Variants in EYS observed in about 807,000 individuals in gnomAD.
EYS encodes protein eyes shut homolog.
Under a neutral mutation model 282.1 loss-of-function variants are expected in EYS, and 250 were observed. The ratio of observed to expected loss-of-function variants is 0.89; its 90% CI spans 0.80 to 0.98. The LOEUF is 0.98. Among genes scored for constraint, EYS ranks in the 50% least tolerant of loss-of-function variants. The pLI, the probability that EYS is intolerant of heterozygous loss-of-function variation, is 0.00. For missense variants in EYS, 4,016 were observed against 3,709.0 expected (o/e 1.08, Z -2.15); for synonymous variants, 1,355 against 1,282.9 (o/e 1.06, Z -1.20).
chr6:65,590,655 C>A, intron 2 of EYS, among the ~76,000 whole-genome samples: 1 of 151,984 alleles, frequency 6.6e-6, no homozygotes. Flanking sequence ...TAGGCCTCTG[C>A]TAGCAACTAT....
At chr6:64,526,937 C>T (rs1438671690) in intron 26 of EYS, among the ~76,000 whole-genome samples, 3 of 151,608 alleles carry the variant, frequency 2.0e-5, no homozygotes, top group Non-Finnish European at 3.0e-5. Flanking sequence ...CTAAGTGATC[C>T]AACAGGTTAT....
intron 14 of EYS, among the ~76,000 whole-genome samples, chr6:64,950,821 AT>A (rs1562272742): frequency 1.7e-5 from 2 of 116,454 alleles, no homozygotes; most frequent in East Asian, 2.6e-4. Context: ...ATATATATAT[AT>A]ATATATATAT....
intron 12 of EYS, among the ~76,000 whole-genome samples, chr6:65,168,340 G>T (rs368101325): frequency 6.6e-6 from 1 of 151,162 alleles, no homozygotes; most frequent in African/African-American, 2.4e-5. Flanking sequence ...TCGATTTAGG[G>T]CTGCCATAAC....
intron 22 of EYS, among the ~76,000 whole-genome samples, chr6:64,731,253 T>C (rs1047022744): frequency 2.0e-5 from 3 of 151,720 alleles, no homozygotes; most frequent in African/African-American, 7.3e-5. Flanking sequence ...CAAAAGCAAT[T>C]GCAACAAAAG....
At chr6:64,630,513 A>T (rs903097273) in intron 22 of EYS, among the ~76,000 whole-genome samples, 1 of 152,210 alleles carries the variant, frequency 6.6e-6, no homozygotes, top group Non-Finnish European at 1.5e-5. Flanking sequence ...ATATATAATC[A>T]TATTGATTAA....
intron 8 of EYS, among the ~76,000 whole-genome samples, chr6:65,366,398 C>T (rs1481362820): frequency 1.3e-5 from 2 of 151,752 alleles, no homozygotes; most frequent in Non-Finnish European, 2.9e-5. Flanking sequence ...TCCTGATCTA[C>T]ACTCAATCCA....
At chr6:64,372,521 G>A (rs963144446) in intron 29 of EYS, among the ~76,000 whole-genome samples, 2 of 151,922 alleles carry the variant, frequency 1.3e-5, no homozygotes, top group Non-Finnish European at 2.9e-5. Context: ...GTGTCTTGGG[G>A]GTGGTCTTCT....
intron 31 of EYS, among the ~76,000 whole-genome samples, chr6:64,223,065 G>T (rs1280178425): frequency 1.3e-5 from 2 of 151,544 alleles, no homozygotes; most frequent in Admixed American, 1.3e-4. Flanking sequence ...TTTAAGTTTT[G>T]GCTTAAATGG....
intron 36 of EYS, chr6:63,857,675 T>G (rs1003448921): frequency 6.3e-5 from 28 of 447,364 alleles, no homozygotes; most frequent in African/African-American, 5.6e-4. Flanking sequence ...CAAGCACTAC[T>G]TGTTTGCCAA....
intron 2 of EYS, among the ~76,000 whole-genome samples, chr6:65,576,416 A>G (rs1346135748): frequency 6.6e-6 from 1 of 151,934 alleles, no homozygotes; most frequent in East Asian, 1.9e-4. Flanking sequence ...TTAAATATGG[A>G]AAGAATGTAC....
intron 24 of EYS, among the ~76,000 whole-genome samples, chr6:64,610,995 T>C (rs556903903): frequency 3.7e-4 from 56 of 152,202 alleles, no homozygotes; most frequent in African/African-American, 9.6e-4. Context: ...ATAGCACTCA[T>C]TGCTGCCCAT....
intron 5 of EYS, among the ~76,000 whole-genome samples, chr6:65,481,981 A>G (rs1765623741): frequency 1.3e-5 from 2 of 152,174 alleles, no homozygotes; most frequent in Admixed American, 6.5e-5. Context: ...GATTCAGAGG[A>G]AGACTCAGTT....
chr6:65,434,716 C>A (rs1296933402), intron 5 of EYS, among the ~76,000 whole-genome samples: 1 of 145,424 alleles, frequency 6.9e-6, no homozygotes, highest in East Asian at 1.9e-4. Flanking sequence ...TCTCATCATA[C>A]TTCTTCTCCT....
At chr6:64,020,523 G>C (rs1769138939) in intron 33 of EYS, among the ~76,000 whole-genome samples, 1 of 152,054 alleles carries the variant, frequency 6.6e-6, no homozygotes, top group African/African-American at 2.4e-5. Context: ...TGATACCAAG[G>C]GCTTCATGGG....
intron 26 of EYS, among the ~76,000 whole-genome samples, chr6:64,455,121 A>T (rs1775510331): frequency 6.6e-6 from 1 of 152,070 alleles, no homozygotes; most frequent in Non-Finnish European, 1.5e-5. Flanking sequence ...TATGTTACCC[A>T]GGCTGATGTT....
At chr6:63,826,932 C>T (rs911723154) in intron 36 of EYS, among the ~76,000 whole-genome samples, 20 of 149,258 alleles carry the variant, frequency 1.3e-4, no homozygotes, top group African/African-American at 4.9e-4. Flanking sequence ...CCTCATATTT[C>T]AATACTAACA....
chr6:63,987,252 A>T (rs1319933592), intron 34 of EYS, among the ~76,000 whole-genome samples: 1 of 151,658 alleles, frequency 6.6e-6, no homozygotes, highest in African/African-American at 2.4e-5. Context: ...GTAGCTGTAG[A>T]TGAAGCTGGC....
At chr6:65,143,769 A>G (rs889435593) in intron 12 of EYS, among the ~76,000 whole-genome samples, 1 of 151,990 alleles carries the variant, frequency 6.6e-6, no homozygotes, top group Non-Finnish European at 1.5e-5. Flanking sequence ...CTTTTTGCAT[A>G]TGTCTCTGTT....
At chr6:65,176,801 T>G (rs1385608380) in intron 12 of EYS, among the ~76,000 whole-genome samples, 1 of 151,684 alleles carries the variant, frequency 6.6e-6, no homozygotes, top group Non-Finnish European at 1.5e-5. Context: ...ACCTAAATGG[T>G]GGGTAACATC....
Sources: gnomAD v4.1 joint callset for allele counts (sites outside exome capture counted in the v4.1 genomes callset) on GRCh38, gnomAD v4.1.1 for gene constraint, MANE v1.5 for transcripts, NCBI Gene and HGNC (gene_info 2026-07-23, HGNC 2026-07-21) for gene names.